Variants in CRB1 observed in about 807,000 individuals in gnomAD.
CRB1 encodes the protein crumbs cell polarity complex component 1.
In CRB1, 83 loss-of-function variants were observed where a neutral mutation model predicts 120.0. The ratio of observed to expected loss-of-function variants is 0.69; its 90% CI spans 0.58 to 0.83. The LOEUF is 0.83. Among genes scored for constraint, CRB1 ranks in the 40% least tolerant of loss-of-function variants. The pLI is 0.00. For synonymous variants in CRB1, 625 were observed against 612.5 expected (o/e 1.02, Z -0.30); for missense variants, 1,699 against 1,687.6 (o/e 1.01, Z -0.12).
chr1:197,320,956 T>C (rs760449651), intron 1 of CRB1, among the ~76,000 whole-genome samples: 1 of 152,224 alleles, frequency 6.6e-6, no homozygotes, highest in Non-Finnish European at 1.5e-5. Flanking sequence ...ACATCAGATA[T>C]TCTCTTTCAA....
chr1:197,332,745 G>A, intron 2 of CRB1, among the ~76,000 whole-genome samples: 1 of 152,154 alleles, frequency 6.6e-6, no homozygotes, highest in East Asian at 1.9e-4. Flanking sequence ...TATAGCCAGG[G>A]CTGGCGGCCA....
At chr1:197,280,954 C>T (rs776819361) in intron 1 of CRB1, among the ~76,000 whole-genome samples, 5 of 151,794 alleles carry the variant, frequency 3.3e-5, no homozygotes, top group Admixed American at 1.3e-4. Flanking sequence ...ATAAACACAT[C>T]GGGGGCGGTC....
At chr1:197,314,311 A>G (rs1454019481) in intron 1 of CRB1, among the ~76,000 whole-genome samples, 3 of 152,204 alleles carry the variant, frequency 2.0e-5, no homozygotes, top group African/African-American at 7.2e-5. Context: ...TGTTCAGCCC[A>G]TCAAGATTAT....
At chr1:197,348,351 G>C (rs1659894101) in intron 4 of CRB1, among the ~76,000 whole-genome samples, 1 of 152,178 alleles carries the variant, frequency 6.6e-6, no homozygotes, top group South Asian at 2.1e-4. Flanking sequence ...CAGTGATATT[G>C]ATAATCCTGA....
chr1:197,321,193 C>G (rs1425351225), intron 1 of CRB1, among the ~76,000 whole-genome samples: 3 of 152,196 alleles, frequency 2.0e-5, no homozygotes, highest in Non-Finnish European at 4.4e-5. Context: ...TGAGGCATGT[C>G]TGTATTCACC....
intron 11 of CRB1, among the ~76,000 whole-genome samples, chr1:197,459,172 A>G (rs1043536824): frequency 6.6e-6 from 1 of 152,158 alleles, no homozygotes; most frequent in African/African-American, 2.4e-5. Flanking sequence ...GAGAAAGATT[A>G]GATGATGGAT....
chr1:197,278,059 C>A (rs1467467387), intron 1 of CRB1, among the ~76,000 whole-genome samples: 3 of 151,888 alleles, frequency 2.0e-5, no homozygotes, highest in Non-Finnish European at 4.4e-5. Context: ...TGCAGCTCTG[C>A]CTCGTTTGTA....
chr1:197,321,757 A>C (rs1036731374), intron 1 of CRB1, among the ~76,000 whole-genome samples: 1 of 152,224 alleles, frequency 6.6e-6, no homozygotes, highest in African/African-American at 2.4e-5. Context: ...GTATCTTAAC[A>C]ATAATAAATT....
chr1:197,398,892 T>TATTGTG (rs1553257312), intron 5 of CRB1, among the ~76,000 whole-genome samples: 1 of 136,310 alleles, frequency 7.3e-6, no homozygotes, highest in Non-Finnish European at 1.6e-5. Flanking sequence ...CAGGAAATGA[T>TATTGTG]TGTGTGTGTG....
chr1:197,430,866 C>G (rs187495472), intron 8 of CRB1, among the ~76,000 whole-genome samples: 97 of 151,982 alleles, frequency 6.4e-4, no homozygotes, highest in African/African-American at 2.3e-3. Context: ...AATATTTTCA[C>G]TTAACTGCTG....
At chr1:197,251,431 C>A in the CRB1 span, among the ~76,000 whole-genome samples, 2 of 151,852 alleles carry the variant, frequency 1.3e-5, no homozygotes, top group Admixed American at 6.6e-5. Flanking sequence ...AGATTTTAAG[C>A]TTGTATATCA....
At chr1:197,209,737 A>G in the CRB1 span, among the ~76,000 whole-genome samples, 1 of 152,110 alleles carries the variant, frequency 6.6e-6, no homozygotes, top group Non-Finnish European at 1.5e-5. Context: ...GGGGACCAAG[A>G]ATGCGCATAG....
At chr1:197,265,940 A>G (rs917553413), upstream of CRB1, among the ~76,000 whole-genome samples, 1 of 152,118 alleles carries the variant, frequency 6.6e-6, no homozygotes, top group Non-Finnish European at 1.5e-5. Flanking sequence ...TGAATTCACT[A>G]CTTAAAACCT....
intron 2 of CRB1, among the ~76,000 whole-genome samples, chr1:197,342,321 C>T (rs779350301): frequency 2.6e-5 from 4 of 152,268 alleles, no homozygotes; most frequent in South Asian, 2.1e-4. Flanking sequence ...TCTCTCACTC[C>T]TTCTCTATCT....
the CRB1 span, among the ~76,000 whole-genome samples, chr1:197,225,149 A>G: frequency 6.6e-6 from 1 of 152,224 alleles, no homozygotes; most frequent in Admixed American, 6.5e-5. Context: ...GTCCAAGTCC[A>G]TACAATTAAT....
intron 11 of CRB1, among the ~76,000 whole-genome samples, chr1:197,462,540 G>A (rs1307271416): frequency 3.3e-5 from 5 of 152,060 alleles, no homozygotes; most frequent in African/African-American, 1.2e-4. Context: ...ACTCCCTTTG[G>A]TCCTAAAAAC....
chr1:197,328,946 G>A lies in CRB1; in HGVS notation c.595G>A (p.Ala199Thr). ...ECASDPCKNE[A>T]TCLNEIGRYT... ...TGCTTCAGATCCCTGCAAGAACGAG[G>A]CTACATGCCTCAATGAAATAGGAAG... The change falls in exon 2 of 12, where the codon GCT becomes ACT. Residue 199 changes from alanine (A) to threonine (T), a missense_variant. Physicochemically the swap from Ala to Thr is moderately conservative, Grantham distance 58 (BLOSUM62 0). Coordinates refer to ENST00000367400, the MANE Select transcript of CRB1 (RefSeq NM_201253.3). 1 of 1,614,186 alleles carries A rather than the reference G, an allele frequency of 6.2e-7. No homozygotes were observed. Among genetic ancestry groups the A allele is most frequent in the Non-Finnish European group, 8.5e-7 (1 of 1,180,052 alleles).
chr1:197,429,787 T>TG (rs1664788693), intron 8 of CRB1, among the ~76,000 whole-genome samples, 173 bp downstream of exon 8: 1 of 152,178 alleles, frequency 6.6e-6, no homozygotes, highest in African/African-American at 2.4e-5. Flanking sequence ...ATCCTGCCCT[T>TG]GGTGGCTGTC....
At chr1:197,378,382 C>A (rs1382631836) in intron 5 of CRB1, among the ~76,000 whole-genome samples, 2 of 152,184 alleles carry the variant, frequency 1.3e-5, no homozygotes. Flanking sequence ...ATATTGATAT[C>A]TTACAGCTAC....
Sources: gnomAD v4.1 joint callset for allele counts (sites outside exome capture counted in the v4.1 genomes callset) on GRCh38, gnomAD v4.1.1 for gene constraint, MANE v1.5 for transcripts, NCBI Gene and HGNC (gene_info 2026-07-23, HGNC 2026-07-21) for gene names.